The following INF2 variants were observed in gnomAD, a reference collection of about 807,000 sequenced individuals.
The protein encoded by INF2 is inverted formin-2.
INF2 carries 43 observed loss-of-function variants against 123.5 expected under a neutral mutation model. The observed-to-expected ratio is 0.35, with a 90% CI of 0.27 to 0.45. INF2 has a LOEUF of 0.45. INF2 is among the 20% of genes least tolerant of loss of function. The probability of loss-of-function intolerance (pLI) is 1.00; values close to 1 mark genes in which losing one functional copy is unlikely to be tolerated. For missense variants in INF2, 1,453 were observed against 1,682.7 expected, an observed-to-expected ratio of 0.86 and a Z score of 2.39; for synonymous variants, 851 against 745.0, an observed-to-expected ratio of 1.14 and a Z score of -2.32.
At chr14:104,704,485 C>T (rs576142955) in intron 5 of INF2, 8 of 188,178 alleles carry the variant, frequency 4.3e-5, no homozygotes, top group African/African-American at 6.9e-5. Flanking sequence ...GAGCGGTGGG[C>T]GGGCATTCCT....
At chr14:104,706,261 T>C (rs1889776991) in intron 6 of INF2, 85 bp downstream of exon 6, 2 of 1,390,624 alleles carry the variant, frequency 1.4e-6, no homozygotes, top group Admixed American at 2.2e-5. Flanking sequence ...GGAACGGTCC[T>C]CCCTGCCCTG....
chr14:104,691,793 G>A (rs948844291), intron 1 of INF2, among the ~76,000 whole-genome samples: 4 of 152,140 alleles, frequency 2.6e-5, no homozygotes, highest in African/African-American at 9.7e-5. Context: ...CTGTTAGAGA[G>A]GCTTCCACTC....
At position 104,710,816 on chromosome 14, in the gene INF2, G is replaced by A. The variant is rs2140682353; in HGVS notation, c.2240-121G>A. 9 of 824,762 alleles carry A rather than the reference G, an allele frequency of 1.1e-5. No homozygotes were observed. The South Asian group carries it at 1.2e-4, about 11-fold the overall frequency. 51.1% of individuals were successfully genotyped at this position (824,762 alleles called of 1,614,324 possible). A position where few individuals can be genotyped will look rare whatever the true frequency, so the allele number is the denominator to read the frequency against. On this transcript the variant is annotated intron_variant, in intron 13 of 22. Coordinates refer to ENST00000392634, the MANE Select transcript of INF2 (RefSeq NM_022489.4). ...TGTCCTGTGATCCTTCCGGTGCTGG[G>A]CTGAGCCTGGGGAGGAGCCAGGGAG... is the stretch of plus-strand genomic sequence containing the variant.
intron 5 of INF2, chr14:104,704,408 G>A (rs1889678137): frequency 1.3e-5 from 3 of 224,996 alleles, no homozygotes; most frequent in African/African-American, 6.8e-5. Context: ...ACTAGAACAA[G>A]GGTCCCCAAC....
intron 13 of INF2, among the ~76,000 whole-genome samples, chr14:104,710,508 C>T (rs1410131518): frequency 6.6e-6 from 1 of 152,088 alleles, no homozygotes; most frequent in African/African-American, 2.4e-5. Context: ...CACCGCCACT[C>T]GGGCACGTGC....
intron 1 of INF2, among the ~76,000 whole-genome samples, chr14:104,693,063 A>G (rs1046054911): frequency 6.6e-6 from 1 of 152,222 alleles, no homozygotes; most frequent in African/African-American, 2.4e-5. Context: ...GATGGGCACC[A>G]CTGGAGGCCT....
At chr14:104,686,832 C>G (rs1888675877), upstream of INF2, among the ~76,000 whole-genome samples, 1 of 152,186 alleles carries the variant, frequency 6.6e-6, no homozygotes, top group Non-Finnish European at 1.5e-5. Flanking sequence ...AACGCCCACA[C>G]CTGCCTGCCT....
In INF2 at chr14:104,713,005, G is replaced by C; in HGVS notation, c.2775+13G>C. ...CCGCGCCCTGAAGGTGGGGCAGCCC[G>C]GCGGGACACAGCCTGTCTGGCTAGA... is the stretch of plus-strand genomic sequence containing the variant. On this transcript the variant is annotated intron_variant, in intron 18 of 22. Coordinates refer to ENST00000392634, the MANE Select transcript of INF2 (RefSeq NM_022489.4). The C allele has an allele frequency of 1.9e-6, 3 of 1,611,978 alleles. No homozygotes were observed. Among genetic ancestry groups the C allele is most frequent in the Non-Finnish European group, 2.5e-6 (3 of 1,179,714 alleles).
chr14:104,706,289 C>T, intron 6 of INF2, 113 bp downstream of exon 6: 1 of 1,152,160 alleles, frequency 8.7e-7, no homozygotes, highest in East Asian at 2.6e-5. Flanking sequence ...CCTGCTGTGA[C>T]CTGGGCCATG....
upstream of INF2, among the ~76,000 whole-genome samples, chr14:104,686,248 T>TGGATAGATGAATGGATGGGC (rs1888660612): frequency 7.0e-6 from 1 of 143,740 alleles, no homozygotes; most frequent in African/African-American, 2.7e-5. Context: ...GGTGGGTGGG[T>TGGATAGATGAATGGATGGGC]GGATAGATGA....
chr14:104,685,835 G>A (rs1351237253), upstream of INF2, among the ~76,000 whole-genome samples: 2 of 145,834 alleles, frequency 1.4e-5, no homozygotes, highest in Non-Finnish European at 3.0e-5. Context: ...TGGGTAGGCC[G>A]ATGGGTAAGT....
In INF2 at chr14:104,708,509, G is replaced by A. The variant is rs200697416; in HGVS notation, c.1809G>A (p.Glu603=). ...TGGAGCCCGACTTCTCCAGCATCGA[G>A]CGACTATTCTCCTTCCCTGCAGCCA... is the stretch of plus-strand genomic sequence containing the variant. The part of the protein sequence containing the change: ...EAVEPDFSSI[E]RLFSFPAAKP... Residue 603 remains glutamate (E), a synonymous_variant, in exon 9 of 23, where the codon GAG becomes GAA. Transcript: ENST00000392634. The A allele has an allele frequency of 6.2e-7, 1 of 1,612,460 alleles. No individual in the cohort carries two copies. Among genetic ancestry groups the A allele is most frequent in the East Asian group, 2.2e-5 (1 of 44,848 alleles).
chr14:104,711,760 G>C, intron 16 of INF2, 61 bp downstream of exon 16: 1 of 1,523,896 alleles, frequency 6.6e-7, no homozygotes, highest in South Asian at 1.1e-5. Flanking sequence ...TCTGTCCCCA[G>C]GCAGTGAGGT....
At position 104,721,353 on chromosome 14, in the gene INF2, T is replaced by C. The variant is rs1021826898; in HGVS notation, c.*2560T>C. On this transcript the variant is annotated 3_prime_UTR_variant, in exon 23 of 23. Coordinates refer to ENST00000392634, the MANE Select transcript of INF2 (RefSeq NM_022489.4). ...TGCGTCGTCCTCGTGTGGATGCTGC[T>C]GTGGACGTCTGCGTAGTCTCGTGTG... 1.3e-5 allele frequency: 2 copies of C among 150,882 alleles called. No individual in the cohort carries two copies. The highest frequency in any genetic ancestry group is 5.1e-5 in the African/African-American group (2 of 39,222). The allele number at this position is 150,882 out of a possible 1,614,324, so 9.3% of individuals were successfully genotyped here.
At chr14:104,683,385 T>C (rs556720581) in intron 1 of INF2, among the ~76,000 whole-genome samples, 1 of 92,064 alleles carries the variant, frequency 1.1e-5, no homozygotes, top group African/African-American at 6.3e-5. Flanking sequence ...GGTGCCTGGG[T>C]CCCCCACCAG....
chr14:104,717,201 A>C (rs1228168398), intron 22 of INF2, among the ~76,000 whole-genome samples: 1 of 152,094 alleles, frequency 6.6e-6, no homozygotes, highest in Non-Finnish European at 1.5e-5. Flanking sequence ...GACACCTGAG[A>C]GCACAGCCGT....
At position 104,708,427 on chromosome 14, in the gene INF2, A is replaced by T. The variant is rs1355711527; in HGVS notation, c.1736-9A>T. ...CGAGAGCCTCACTGGCCGTGTCCCC[A>T]CCCGACAGAGCACAACTCTATGTGG... On this transcript the variant is annotated splice_polypyrimidine_tract_variant and intron_variant, in intron 8 of 22. Transcript: ENST00000392634. The T allele has an allele frequency of 6.2e-7, 1 of 1,611,196 alleles. No homozygotes were observed. The highest frequency in any genetic ancestry group is 1.7e-5 in the Admixed American group (1 of 60,006).
intron 12 of INF2, among the ~76,000 whole-genome samples, 167 bp downstream of exon 12, chr14:104,709,872 A>AC (rs1192550301): frequency 2.6e-5 from 4 of 152,046 alleles, no homozygotes; most frequent in Non-Finnish European, 5.9e-5. Flanking sequence ...CTCGAGCCCC[A>AC]CCCCCAGTCC....
In INF2 at chr14:104,722,064, T is replaced by A. The variant is rs1238886248; in HGVS notation, c.*3271T>A. 3 of 152,480 alleles carry A rather than the reference T, an allele frequency of 2.0e-5. No individual in the cohort carries two copies. The highest frequency in any genetic ancestry group is 7.2e-5 in the African/African-American group (3 of 41,566). The allele number at this position is 152,480 out of a possible 1,614,324, so 9.4% of individuals were successfully genotyped here. A position where few individuals can be genotyped will look rare whatever the true frequency, so the allele number is the denominator to read the frequency against. On this transcript the variant is annotated 3_prime_UTR_variant, in exon 23 of 23. Coordinates refer to ENST00000392634, the MANE Select transcript of INF2 (RefSeq NM_022489.4). ...ACACATCGAGACAGCAGGGCCCAGATGGATGGCCCCAAGCTCGGTGGCTCC... is the reference window on the plus strand; with the variant it reads ...ACACATCGAGACAGCAGGGCCCAGAAGGATGGCCCCAAGCTCGGTGGCTCC...
Sources: gnomAD v4.1 joint callset for allele counts (sites outside exome capture counted in the v4.1 genomes callset) on GRCh38, gnomAD v4.1.1 for gene constraint, MANE v1.5 for transcripts, NCBI Gene and HGNC (gene_info 2026-07-23, HGNC 2026-07-21) for gene names.